Variants in TOP3A observed in about 807,000 individuals in gnomAD.
The protein encoded by TOP3A is DNA topoisomerase 3-alpha.
TOP3A carries 64 observed loss-of-function variants against 111.3 expected under a neutral mutation model. The ratio of observed to expected loss-of-function variants is 0.57; its 90% confidence interval spans 0.47 to 0.71. The LOEUF (loss-of-function observed/expected upper bound fraction) is 0.71. TOP3A is among the 30% of genes least tolerant of loss of function. TOP3A has a pLI of 0.00. For missense variants in TOP3A, 1,104 were observed against 1,285.0 expected (o/e 0.86, Z 2.15); for synonymous variants, 484 against 485.1 (o/e 1.00, Z 0.03).
intron 8 of TOP3A, among the ~76,000 whole-genome samples, chr17:18,300,319 G>A (rs113275247): frequency 0.041 from 6,251 of 151,806 alleles, 370 homozygotes; most frequent in African/African-American, 0.13. Flanking sequence ...GCTTGAACCC[G>A]GGAGGTAGAG....
chr17:18,302,132 G>T, intron 7 of TOP3A, 132 bp downstream of exon 7: 2 of 1,377,162 alleles, frequency 1.5e-6, no homozygotes, highest in Non-Finnish European at 2.0e-6. Flanking sequence ...TAAGTGGATT[G>T]TAATGGGCCA....
At chr17:18,301,048 T>C (rs1237220886) in intron 8 of TOP3A, among the ~76,000 whole-genome samples, 1 of 152,230 alleles carries the variant, frequency 6.6e-6, no homozygotes, top group African/African-American at 2.4e-5. Flanking sequence ...ACCTGGTCCA[T>C]AGCGGGTGCT....
intron 3 of TOP3A, among the ~76,000 whole-genome samples, chr17:18,307,909 C>CAAAAA (rs146925164): frequency 1.5e-5 from 1 of 68,416 alleles, no homozygotes; most frequent in African/African-American, 5.4e-5. Context: ...GACCCTGACT[C>CAAAAA]AAAAAAAAAA....
intron 5 of TOP3A, among the ~76,000 whole-genome samples, chr17:18,304,597 T>C (rs1311561082): frequency 6.6e-6 from 1 of 152,174 alleles, no homozygotes; most frequent in Non-Finnish European, 1.5e-5. Context: ...TTGTATAATA[T>C]GAGAGATTAA....
chr17:18,314,388 C>CA (rs1011994696), intron 1 of TOP3A, among the ~76,000 whole-genome samples: 11 of 152,218 alleles, frequency 7.2e-5, no homozygotes, highest in Non-Finnish European at 1.5e-4. Context: ...AAAAGGTTTC[C>CA]ACGCAAATGA....
rs367612145 is a variant in TOP3A at position 18,275,517 on chromosome 17, G to A, written c.2828-537C>T. ...TGGGACTACAGGCACCCGCCACCAC[G>A]CCCGGCTACTTTATTTTTTGTATTT... On this transcript the variant is annotated intron_variant, in intron 18 of 18. Coordinates refer to ENST00000321105, the MANE Select transcript of TOP3A (RefSeq NM_004618.5). Among the ~76,000 whole-genome samples, 52 of 150,608 alleles carry A rather than the reference G, an allele frequency of 3.5e-4. 2 individuals are homozygous for A. In the East Asian group the frequency reaches 0.01, roughly 29 times the overall value.
In TOP3A at chr17:18,272,216, G is replaced by A. The variant is rs944532362; in HGVS notation, c.*2586C>T. ...ATGCAAAACAAAACCACAATGACAC[G>A]CCACTTCATACCCACTAGGATGACA... is the stretch of plus-strand genomic sequence containing the variant. On this transcript the variant is annotated 3_prime_UTR_variant, in exon 19 of 19. Coordinates refer to ENST00000321105, the MANE Select transcript of TOP3A (RefSeq NM_004618.5). Among the ~76,000 whole-genome samples the A allele has an allele frequency of 6.6e-5, 10 of 152,096 alleles. No homozygotes were observed. The highest frequency in any genetic ancestry group is 1.0e-4 in the Non-Finnish European group (7 of 68,018).
rs1980689557 is a variant in TOP3A, at chr17:18,294,747, A to G, written c.1029T>C (p.Asn343=). ...EKLASRKLRI[N]AKETMRIAEK... ...CAGCAATCCTCATGGTTTCTTTAGC[A>G]TTTATTCTCAACTTTCGAGAAGCCA... The change falls in exon 10 of 19, where the codon AAT becomes AAC. Residue 343 remains asparagine (N), a synonymous_variant. Transcript: ENST00000321105. 6.2e-7 allele frequency: 1 copy of G among 1,614,042 alleles called. No homozygotes were observed. The highest frequency in any genetic ancestry group is 8.5e-7 in the Non-Finnish European group (1 of 1,179,956).
intron 9 of TOP3A, among the ~76,000 whole-genome samples, chr17:18,296,814 T>TA (rs369971654): frequency 4.6e-5 from 7 of 152,212 alleles, no homozygotes; most frequent in African/African-American, 1.7e-4. Context: ...TGAGAAGGCA[T>TA]ACTCCTAATG....
chr17:18,287,053 G>C (rs1156364110), intron 13 of TOP3A, among the ~76,000 whole-genome samples: 1 of 151,834 alleles, frequency 6.6e-6, no homozygotes, highest in Non-Finnish European at 1.5e-5. Flanking sequence ...CAAAGTGCTG[G>C]GATTACAGGT....
chr17:18,306,591 T>C (rs1981592974), intron 4 of TOP3A: 1 of 257,310 alleles, frequency 3.9e-6, no homozygotes, highest in Admixed American at 5.0e-5. Context: ...TGGTCTCAAA[T>C]TCCTGGAGTT....
chr17:18,277,168 G>C (rs1244932967), intron 18 of TOP3A, among the ~76,000 whole-genome samples: 3 of 117,864 alleles, frequency 2.5e-5, no homozygotes, highest in Non-Finnish European at 1.6e-5. Flanking sequence ...TGGGCAACAA[G>C]AGCAAAACTC....
Position 18,280,329 on chromosome 17 carries a change from A to C in TOP3A, c.2144+207T>G, listed in dbSNP as rs373384015. On this transcript the variant is annotated intron_variant, in intron 17 of 18. Coordinates refer to ENST00000321105, the MANE Select transcript of TOP3A (RefSeq NM_004618.5). ...TGGTTCTTTGCCCATGGCCCACTCC[A>C]AACAGGGTCATACCTGCCAAAGCAG... The C allele has an allele frequency of 6.7e-3, 3,220 of 480,894 alleles. 198 individuals are homozygous for C. The South Asian group carries it at 0.093, about 14-fold the overall frequency. The allele number at this position is 480,894 out of a possible 1,614,324, so 29.8% of individuals were successfully genotyped here.
chr17:18,314,147 G>C (rs1982095498), intron 1 of TOP3A, among the ~76,000 whole-genome samples: 1 of 152,226 alleles, frequency 6.6e-6, no homozygotes, highest in Non-Finnish European at 1.5e-5. Context: ...GAATGCAGTG[G>C]CTGTGGCACA....
rs557229637 is a variant in TOP3A, at chr17:18,295,349, T to C, written c.991-564A>G. On this transcript the variant is annotated intron_variant, in intron 9 of 18. Coordinates refer to ENST00000321105, the MANE Select transcript of TOP3A (RefSeq NM_004618.5). ...TTTTAGTAGAGATGGGGTTTTGCCA[T>C]GCTGGCCTGGCTGGTCTCGAACACC... Among the ~76,000 whole-genome samples, 22 of 152,348 alleles carry C rather than the reference T, an allele frequency of 1.4e-4. No homozygotes were observed. The South Asian group carries it at 3.9e-3, about 27-fold the overall frequency.
chr17:18,314,608 G>C lies in TOP3A; in HGVS notation c.171C>G (p.Arg57=). 6.2e-7 allele frequency: 1 copy of C among 1,610,440 alleles called. No homozygotes were observed. The highest frequency in any genetic ancestry group is 8.5e-7 in the Non-Finnish European group (1 of 1,178,040). The stretch of plus-strand genomic sequence containing the variant: ...GAACGCGCTTTCTTACCCGCCTCAT[G>C]CGACCGTTTGACAGCAGGTCGGCGA... ...KGIADLLSNG[R]MRRREGLSKF... The change falls in exon 1 of 19, where the codon CGC becomes CGG. Residue 57 remains arginine (R), a synonymous_variant. Coordinates refer to ENST00000321105, the MANE Select transcript of TOP3A (RefSeq NM_004618.5).
chr17:18,302,182 T>C, intron 7 of TOP3A, 82 bp downstream of exon 7: 1 of 1,484,948 alleles, frequency 6.7e-7, no homozygotes. Flanking sequence ...CACATCTTTA[T>C]TAGTGCTATT....
rs375156472 is a variant in TOP3A at position 18,287,686 on chromosome 17, T to C, written c.1598-2166A>G. ...TAGCCTGGGTGACAGAGTAAGATGC[T>C]ATCTCTCCAAAACAAATTTTTTTAG... is the stretch of plus-strand genomic sequence containing the variant. On this transcript the variant is annotated intron_variant, in intron 13 of 18. Transcript: ENST00000321105. 9.0e-4 allele frequency among the ~76,000 whole-genome samples: 136 copies of C among 151,838 alleles called. 2 individuals are homozygous for C. Among genetic ancestry groups the C allele is most frequent in the Middle Eastern group, 3.4e-3 (1 of 292 alleles).
In TOP3A at chr17:18,271,743, A is replaced by G. The variant is rs1242552724; in HGVS notation, c.*3059T>C. Reference sequence around the variant, plus strand: ...TATTAAGAACTCCTACAACTCAACAACAAAGACAGACAACACAATTTAAAA... The same window carrying G: ...TATTAAGAACTCCTACAACTCAACAGCAAAGACAGACAACACAATTTAAAA... On this transcript the variant is annotated 3_prime_UTR_variant, in exon 19 of 19. Coordinates refer to ENST00000321105, the MANE Select transcript of TOP3A (RefSeq NM_004618.5). 2.2e-6 allele frequency: 1 copy of G among 447,834 alleles called. No individual in the cohort carries two copies. Among genetic ancestry groups the G allele is most frequent in the Non-Finnish European group, 4.5e-6 (1 of 220,360 alleles). The allele number at this position is 447,834 out of a possible 1,614,324, so 27.7% of individuals were successfully genotyped here.
Sources: allele counts gnomAD v4.1 joint callset (sites outside exome capture counted in the v4.1 genomes callset), GRCh38; gene constraint gnomAD v4.1.1; transcripts MANE v1.5; gene names NCBI Gene and HGNC (gene_info 2026-07-23, HGNC 2026-07-21).